Variants in NPAS3 observed in about 807,000 individuals in gnomAD.
NPAS3 encodes the protein neuronal PAS domain-containing protein 3.
A neutral mutation model predicts 73.1 loss-of-function variants in NPAS3; 14 were observed. That is an observed-to-expected ratio of 0.19 (90% CI 0.13 to 0.30). The LOEUF is 0.30. Ranked by LOEUF, NPAS3 falls within the 10% of genes least tolerant of loss-of-function variation. The pLI, the probability that NPAS3 is intolerant of heterozygous loss-of-function variation, is 1.00. For synonymous variants in NPAS3, 620 were observed against 541.5 expected, an observed-to-expected ratio of 1.14 and a Z score of -2.01; for missense variants, 1,096 against 1,250.0, an observed-to-expected ratio of 0.88 and a Z score of 1.86.
At chr14:33,532,554 G>T (rs900537392) in intron 4 of NPAS3, among the ~76,000 whole-genome samples, 1 of 151,960 alleles carries the variant, frequency 6.6e-6, no homozygotes, top group Non-Finnish European at 1.5e-5. Flanking sequence ...AGCTCATAGG[G>T]CTCATAAATG....
chr14:33,763,237 A>G (rs758300962), intron 7 of NPAS3, among the ~76,000 whole-genome samples: 8 of 152,210 alleles, frequency 5.3e-5, no homozygotes, highest in Non-Finnish European at 8.8e-5. Flanking sequence ...CATCCACTCC[A>G]TAAAGCGAGA....
At chr14:33,481,000 C>A (rs931168455) in intron 4 of NPAS3, among the ~76,000 whole-genome samples, 2 of 151,992 alleles carry the variant, frequency 1.3e-5, no homozygotes, top group Non-Finnish European at 2.9e-5. Flanking sequence ...GAGCCTCATG[C>A]GTCCCCGTTT....
chr14:33,780,599 A>C, intron 9 of NPAS3: 1 of 453,758 alleles, frequency 2.2e-6, no homozygotes, highest in Non-Finnish European at 4.4e-6. Context: ...AACATCATGC[A>C]TCATGCTATC....
chr14:33,176,512 A>G (rs2045594350), intron 2 of NPAS3, among the ~76,000 whole-genome samples: 1 of 152,204 alleles, frequency 6.6e-6, no homozygotes, highest in Non-Finnish European at 1.5e-5. Context: ...CTTAGCATGA[A>G]TTACTTATTT....
intron 2 of NPAS3, among the ~76,000 whole-genome samples, chr14:33,209,164 C>T (rs2046939091): frequency 6.6e-6 from 1 of 152,126 alleles, no homozygotes; most frequent in Admixed American, 6.5e-5. Flanking sequence ...CATTAAACTA[C>T]TTCAATTTGT....
At chr14:32,973,309 C>T (rs1360299826) in intron 1 of NPAS3, among the ~76,000 whole-genome samples, 1 of 152,034 alleles carries the variant, frequency 6.6e-6, no homozygotes, top group Non-Finnish European at 1.5e-5. Flanking sequence ...ATTTCCTTTT[C>T]ACTGACTTAG....
At chr14:33,059,217 A>AT (rs1486449975) in intron 2 of NPAS3, among the ~76,000 whole-genome samples, 1 of 152,218 alleles carries the variant, frequency 6.6e-6, no homozygotes, top group Non-Finnish European at 1.5e-5. Flanking sequence ...TTTTATAATT[A>AT]TTTTGAATTA....
At chr14:33,276,761 A>G (rs1243112018) in intron 3 of NPAS3, among the ~76,000 whole-genome samples, 9 of 152,130 alleles carry the variant, frequency 5.9e-5, no homozygotes, top group Non-Finnish European at 1.3e-4. Context: ...AATAGAAATT[A>G]TGATTATTTT....
chr14:33,716,602 G>C lies in NPAS3; in HGVS notation c.734-18612G>C, dbSNP rs573034560. Among the ~76,000 whole-genome samples, 63 of 152,176 alleles carry C rather than the reference G, an allele frequency of 4.1e-4. 1 individual carries two copies. The highest frequency in any genetic ancestry group is 1.4e-3 in the African/African-American group (60 of 41,516). ...TTTCATCATCCTAAACCGAAACCCT[G>C]TACCCATTAAACAGTAACTTCCCAT... On this transcript the variant is annotated intron_variant, in intron 6 of 11. Transcript: ENST00000356141.
At chr14:33,803,727 C>T (rs1166502672), downstream of NPAS3, 1 of 116,920 alleles carries the variant, frequency 8.6e-6, no homozygotes, top group Non-Finnish European at 1.8e-5. Context: ...AAAAAAAAAA[C>T]ACTTCATTAC....
chr14:33,576,327 T>C (rs2056431586), intron 5 of NPAS3, among the ~76,000 whole-genome samples: 1 of 152,222 alleles, frequency 6.6e-6, no homozygotes, highest in African/African-American at 2.4e-5. Context: ...TTTGTGCTGA[T>C]ACGATGTTTC....
At chr14:33,652,394 T>G (rs1595366278) in intron 5 of NPAS3, among the ~76,000 whole-genome samples, 2 of 152,198 alleles carry the variant, frequency 1.3e-5, no homozygotes, top group African/African-American at 4.8e-5. Context: ...AATGAGGCAG[T>G]GGTGCACTAG....
At chr14:33,722,065 T>G (rs1443262905) in intron 6 of NPAS3, among the ~76,000 whole-genome samples, 1 of 152,130 alleles carries the variant, frequency 6.6e-6, no homozygotes, top group Non-Finnish European at 1.5e-5. Flanking sequence ...AGCATTCAGC[T>G]CCCAGGCAAC....
intron 1 of NPAS3, among the ~76,000 whole-genome samples, chr14:33,053,513 C>T (rs2040782415): frequency 1.3e-5 from 2 of 152,094 alleles, no homozygotes; most frequent in Admixed American, 6.5e-5. Context: ...AATAGTTTCA[C>T]GATTGAAAGG....
At position 33,647,107 on chromosome 14, in the gene NPAS3, A is replaced by G. The variant is rs558632310; in HGVS notation, c.559-29104A>G. 8.5e-5 allele frequency among the ~76,000 whole-genome samples: 13 copies of G among 152,296 alleles called. No individual in the cohort carries two copies. In the South Asian group the frequency reaches 2.5e-3, roughly 29 times the overall value. On this transcript the variant is annotated intron_variant, in intron 5 of 11. Transcript: ENST00000356141. ...TTATTTTCTCATGGAAGCAATGTTTATGTCCTTAGGCTCAACTGTGTGATA... is the reference window on the plus strand; with the variant it reads ...TTATTTTCTCATGGAAGCAATGTTTGTGTCCTTAGGCTCAACTGTGTGATA...
intron 7 of NPAS3, among the ~76,000 whole-genome samples, chr14:33,773,452 A>T (rs1033857279): frequency 1.3e-4 from 20 of 152,188 alleles, no homozygotes; most frequent in Non-Finnish European, 2.8e-4. Context: ...AACCTAAGGC[A>T]TAGTGGCACA....
At chr14:33,056,705 A>C (rs996602784) in intron 2 of NPAS3, among the ~76,000 whole-genome samples, 1 of 152,208 alleles carries the variant, frequency 6.6e-6, no homozygotes, top group African/African-American at 2.4e-5. Flanking sequence ...GCTGTGAAGA[A>C]AGTTTTCTTC....
chr14:32,935,201 A>G (rs2138991261), upstream of NPAS3, among the ~76,000 whole-genome samples: 1 of 152,330 alleles, frequency 6.6e-6, no homozygotes, highest in South Asian at 2.1e-4. Flanking sequence ...GCGCTGGCGA[A>G]GTGAAATCAT....
intron 7 of NPAS3, among the ~76,000 whole-genome samples, chr14:33,753,689 T>C (rs1464877470): frequency 6.6e-6 from 1 of 152,184 alleles, no homozygotes; most frequent in African/African-American, 2.4e-5. Flanking sequence ...ACAGGTTCCT[T>C]GATCTGACTT....
Sources: gnomAD v4.1 joint callset for allele counts (sites outside exome capture counted in the v4.1 genomes callset) on GRCh38, gnomAD v4.1.1 for gene constraint, MANE v1.5 for transcripts, NCBI Gene and HGNC (gene_info 2026-07-23, HGNC 2026-07-21) for gene names.